GDF9: variants seen among roughly 807,000 people sequenced by gnomAD.
GDF9 encodes growth/differentiation factor 9.
Under a neutral mutation model 33.8 loss-of-function variants are expected in GDF9, and 30 were observed. That is an observed-to-expected ratio of 0.89 (90% CI 0.66 to 1.20). GDF9 has a LOEUF of 1.20. GDF9 is among the 50% of genes most tolerant of loss of function. The pLI, the probability that GDF9 is intolerant of heterozygous loss-of-function variation, is 0.00. For synonymous variants in GDF9, 205 were observed against 200.7 expected (o/e 1.02, Z -0.18); for missense variants, 556 against 543.7 (o/e 1.02, Z -0.22).
At position 132,864,204 on chromosome 5, in the gene GDF9, G is replaced by C. The variant is rs374035993; in HGVS notation, c.330C>G (p.Leu110=). The C allele has an allele frequency of 4.2e-5, 67 of 1,614,100 alleles. No homozygotes were observed. Among genetic ancestry groups the C allele is most frequent in the Non-Finnish European group, 5.4e-5 (64 of 1,180,046 alleles). ...EGIPKSNRSH[L]YNTVRLFTPC... ...GGGTGAAGAGCCGAACAGTGTTGTA[G>C]AGGTGACTTCTATTGGATTTAGGAA... The change falls in exon 1 of 2, where the codon CTC becomes CTG. Residue 110 remains leucine, a synonymous_variant. Coordinates refer to ENST00000687138, the MANE Select transcript of GDF9 (RefSeq NM_005260.7).
In GDF9 at chr5:132,864,831, AC is replaced by A. The variant is rs1759504844; in HGVS notation, c.-299del. On this transcript the variant is annotated 5_prime_UTR_variant, in exon 1 of 2. Transcript: ENST00000687138. ...CCGTTACTGTTACACTACCGGACTA[AC>A]TATGTAGCTGAAAGTCTAAGATAAA... 5.3e-6 allele frequency: 2 copies of A among 376,644 alleles called. No homozygotes were observed. Among genetic ancestry groups the A allele is most frequent in the African/African-American group, 4.1e-5 (2 of 48,944 alleles). 23.3% of individuals were successfully genotyped at this position (376,644 alleles called of 1,614,324 possible). A position where few individuals can be genotyped will look rare whatever the true frequency, so the allele number is the denominator to read the frequency against.
Position 132,864,381 on chromosome 5 carries a change from C to T in GDF9, c.153G>A (p.Gln51=). ...ESGAMPWSLL[Q]HIDERDRAGL... is the part of the protein sequence containing the mutation. ...CAGCTCTGTCTCTCTCATCTATATGCTGCAGCAAGGACCAAGGCATAGCCC... is the reference window on the plus strand; with the variant it reads ...CAGCTCTGTCTCTCTCATCTATATGTTGCAGCAAGGACCAAGGCATAGCCC... The change falls in exon 1 of 2, where the codon CAG becomes CAA. Residue 51 remains glutamine (Q), a synonymous_variant. Transcript: ENST00000687138. The T allele has an allele frequency of 1.2e-6, 2 of 1,614,028 alleles. No homozygotes were observed. The highest frequency in any genetic ancestry group is 1.7e-6 in the Non-Finnish European group (2 of 1,179,944).
Position 132,861,550 on chromosome 5 carries a change from C to T in GDF9, c.*39G>A. 6.3e-7 allele frequency: 1 copy of T among 1,593,350 alleles called. No individual in the cohort carries two copies. The highest frequency in any genetic ancestry group is 8.6e-7 in the Non-Finnish European group (1 of 1,161,410). On this transcript the variant is annotated 3_prime_UTR_variant, in exon 2 of 2. Coordinates refer to ENST00000687138, the MANE Select transcript of GDF9 (RefSeq NM_005260.7). ...GGCACACATAGGCACACAGTAGTTACTTTGCCAAATAGGCTCAAGGTTTTA... is the reference window on the plus strand; with the variant it reads ...GGCACACATAGGCACACAGTAGTTATTTTGCCAAATAGGCTCAAGGTTTTA...
rs184318860 is a variant in GDF9 at position 132,864,416 on chromosome 5, A to G, written c.118T>C (p.Leu40=). 1.2e-6 allele frequency: 2 copies of G among 1,613,868 alleles called. No homozygotes were observed. Among genetic ancestry groups the G allele is most frequent in the Non-Finnish European group, 8.5e-7 (1 of 1,179,896 alleles). Residue 40 remains leucine, a synonymous_variant, in exon 1 of 2, where the codon TTG becomes CTG. Transcript: ENST00000687138. The part of the protein sequence containing the change: ...GEAQIAASAE[L]ESGAMPWSLL... ...GACCAAGGCATAGCCCCAGATTCCAACTCAGCACTAGCAGCAATCTGAGCT... is the reference window on the plus strand; with the variant it reads ...GACCAAGGCATAGCCCCAGATTCCAGCTCAGCACTAGCAGCAATCTGAGCT...
Position 132,861,545 on chromosome 5 carries a change from A to G in GDF9, c.*44T>C. On this transcript the variant is annotated 3_prime_UTR_variant, in exon 2 of 2. Coordinates refer to ENST00000687138, the MANE Select transcript of GDF9 (RefSeq NM_005260.7). ...TTGAAGGCACACATAGGCACACAGT[A>G]GTTACTTTGCCAAATAGGCTCAAGG... 1.9e-6 allele frequency: 3 copies of G among 1,556,716 alleles called. No individual in the cohort carries two copies. Among genetic ancestry groups the G allele is most frequent in the Non-Finnish European group, 2.7e-6 (3 of 1,127,992 alleles).
Position 132,861,566 on chromosome 5 carries a change from C to T in GDF9, c.*23G>A. 1 of 1,610,154 alleles carries T rather than the reference C, an allele frequency of 6.2e-7. No individual in the cohort carries two copies. On this transcript the variant is annotated 3_prime_UTR_variant, in exon 2 of 2. Transcript: ENST00000687138. ...CAGTAGTTACTTTGCCAAATAGGCTCAAGGTTTTAAGAGGACCATTTGTTA... is the reference window on the plus strand; with the variant it reads ...CAGTAGTTACTTTGCCAAATAGGCTTAAGGTTTTAAGAGGACCATTTGTTA...
rs1434713835 is a variant in GDF9, at chr5:132,862,120, C to T, written c.834G>A (p.Trp278Ter). The T allele has an allele frequency of 1.2e-6, 2 of 1,613,178 alleles. No individual in the cohort carries two copies. Among genetic ancestry groups the T allele is most frequent in the African/African-American group, 1.3e-5 (1 of 74,914 alleles). ...GCCTCCTTTTATAGTGAAGGGAATA[C>T]CAGCTGTGATAAGCCTGAGCACTTG... ...NDTSAQAYHS[W>*]YSLHYKRRPS... The change falls in exon 2 of 2, where the codon TGG (tryptophan) becomes TGA (stop). Residue 278 changes from tryptophan (W) to a stop codon, truncating the protein, a stop_gained. Transcript: ENST00000687138. LOFTEE classifies it high-confidence loss of function.
chr5:132,861,591 A>G lies in GDF9; in HGVS notation c.1363T>C (p.Ter455GlnextTer8). 1.2e-6 allele frequency: 2 copies of G among 1,613,704 alleles called. No individual in the cohort carries two copies. The highest frequency in any genetic ancestry group is 1.7e-6 in the Non-Finnish European group (2 of 1,179,544). ...CAAGGTTTTAAGAGGACCATTTGTT[A>G]ACGACAGGTGCACTTTGTAGCTATC... ...DMIATKCTCR[*>Q] is the part of the protein sequence containing the mutation. The change falls in exon 2 of 2, where the codon TAA becomes CAA. Residue 455 changes from the stop codon to glutamine (Q), a stop_lost. Transcript: ENST00000687138.
At position 132,862,214 on chromosome 5, in the gene GDF9, G is replaced by T. The variant is rs754720328; in HGVS notation, c.740C>A (p.Pro247His). 1.2e-6 allele frequency: 2 copies of T among 1,613,830 alleles called. No homozygotes were observed. Among genetic ancestry groups the T allele is most frequent in the South Asian group, 2.2e-5 (2 of 91,084 alleles). ...FTCMKDQLEHPSAQNGLFNMT... is the reference protein window; with the variant it reads ...FTCMKDQLEHHSAQNGLFNMT... ...GTTAAACAAACCATTCTGTGCTGAA[G>T]GATGCTCCAGCTGGTCTTTCATGCA... is the stretch of plus-strand genomic sequence containing the variant. The change falls in exon 2 of 2, where the codon CCT becomes CAT. Residue 247 changes from proline to histidine, a missense_variant. By Grantham distance (77) the Pro-to-His change is moderately conservative (BLOSUM62 -2). Transcript: ENST00000687138.
rs1324434545 is a variant in GDF9 at position 132,862,189 on chromosome 5, G to C, written c.765C>G (p.Asn255Lys). Residue 255 changes from asparagine to lysine, a missense_variant, in exon 2 of 2, where the codon AAC becomes AAG. By Grantham distance (94) the Asn-to-Lys change is moderately conservative. Transcript: ENST00000687138. ...EHPSAQNGLF[N>K]MTLVSPSLIL... ...TCAGTGAGGGGGACACCAGAGTCAT[G>C]TTAAACAAACCATTCTGTGCTGAAG... 6.2e-7 allele frequency: 1 copy of C among 1,613,950 alleles called. No individual in the cohort carries two copies. Among genetic ancestry groups the C allele is most frequent in the East Asian group, 2.2e-5 (1 of 44,884 alleles).
intron 1 of GDF9, among the ~76,000 whole-genome samples, chr5:132,863,751 A>G (rs1161485380): frequency 6.6e-6 from 1 of 152,336 alleles, no homozygotes; most frequent in African/African-American, 2.4e-5. Flanking sequence ...CTTTTCTCTC[A>G]CAGAAAGTAA....
In GDF9 at chr5:132,864,546, C is replaced by T. The variant is rs1451547520; in HGVS notation, c.-13G>A. On this transcript the variant is annotated 5_prime_UTR_variant, in exon 1 of 2. The change abolishes the stop of an existing upstream ORF in the 5' untranslated region. Transcript: ENST00000687138. Reference sequence around the variant, plus strand: ...TGGGACGTGCCATGGCTTGGGAGAACTAGTGAGGAACATATTTCTCCATGC... The same window carrying T: ...TGGGACGTGCCATGGCTTGGGAGAATTAGTGAGGAACATATTTCTCCATGC... 3 of 1,602,314 alleles carry T rather than the reference C, an allele frequency of 1.9e-6. No homozygotes were observed. Among genetic ancestry groups the T allele is most frequent in the Non-Finnish European group, 2.5e-6 (3 of 1,179,716 alleles).
chr5:132,864,009 C>T (rs1407431811), intron 1 of GDF9, 128 bp downstream of exon 1: 3 of 1,001,774 alleles, frequency 3.0e-6, no homozygotes, highest in Non-Finnish European at 4.7e-6. Context: ...TTTGTTTCAA[C>T]TGGATATTGA....
chr5:132,865,879 C>T lies in GDF9; in HGVS notation c.-1346G>A, dbSNP rs146085181. Among the ~76,000 whole-genome samples, 214 of 152,318 alleles carry T rather than the reference C, an allele frequency of 1.4e-3. No individual in the cohort carries two copies. The highest frequency in any genetic ancestry group is 4.9e-3 in the African/African-American group (202 of 41,552). On this transcript the variant is annotated 5_prime_UTR_variant, in exon 1 of 2. It removes the in-frame stop codon of an upstream open reading frame in the 5' UTR. Coordinates refer to ENST00000687138, the MANE Select transcript of GDF9 (RefSeq NM_005260.7). The stretch of plus-strand genomic sequence containing the variant: ...CTCTCACCCGACTTTCCTTGCTTCT[C>T]ACGTGGGGAGAAGAAAGAACTGGGG...
At position 132,862,516 on chromosome 5, in the gene GDF9, G is replaced by A. The variant is rs763939436; in HGVS notation, c.438C>T (p.Arg146=). ...PSVELLFNLD[R]ITTVEHLLKS... ...TGAGTAAGTGTTCAACGGTAGTAAT[G>A]CGATCCAGGTTAAATAGCAGTTCCA... The change falls in exon 2 of 2, where the codon CGC becomes CGT. Residue 146 remains arginine (R), a synonymous_variant. Transcript: ENST00000687138. The A allele has an allele frequency of 6.2e-7, 1 of 1,609,796 alleles. No homozygotes were observed.
chr5:132,864,238 T>C lies in GDF9; in HGVS notation c.296A>G (p.Lys99Arg). Residue 99 changes from lysine (K) to arginine (R), a missense_variant, in exon 1 of 2, where the codon AAG (lysine) becomes AGG (arginine). Lys to Arg is a conservative substitution (Grantham distance 26). Coordinates refer to ENST00000687138, the MANE Select transcript of GDF9 (RefSeq NM_005260.7). The part of the protein sequence containing the change: ...MKKLYKTYAT[K>R]EGIPKSNRSH... The stretch of plus-strand genomic sequence containing the variant: ...TCTATTGGATTTAGGAATCCCTTCC[T>C]TGGTAGCATATGTCTTATAGAGCTT... 1 of 1,614,238 alleles carries C rather than the reference T, an allele frequency of 6.2e-7. No homozygotes were observed. Among genetic ancestry groups the C allele is most frequent in the Non-Finnish European group, 8.5e-7 (1 of 1,180,030 alleles).
rs1423022538 is a variant in GDF9, at chr5:132,865,847, A to G, written c.-1314T>C. 2.6e-5 allele frequency among the ~76,000 whole-genome samples: 4 copies of G among 152,114 alleles called. No individual in the cohort carries two copies. Among genetic ancestry groups the G allele is most frequent in the African/African-American group, 4.8e-5 (2 of 41,430 alleles). ...CAGAATGCACTTCAGGGAAAACATAATAAGGCCTCTCACCCGACTTTCCTT... is the reference window on the plus strand; with the variant it reads ...CAGAATGCACTTCAGGGAAAACATAGTAAGGCCTCTCACCCGACTTTCCTT... On this transcript the variant is annotated 5_prime_UTR_variant, in exon 1 of 2. Transcript: ENST00000687138.
Position 132,861,896 on chromosome 5 carries a change from C to T in GDF9, c.1058G>A (p.Cys353Tyr), listed in dbSNP as rs1759264828. 6.2e-7 allele frequency: 1 copy of T among 1,613,790 alleles called. No individual in the cohort carries two copies. Among genetic ancestry groups the T allele is most frequent in the Non-Finnish European group, 8.5e-7 (1 of 1,179,656 alleles). Residue 353 changes from cysteine to tyrosine, a missense_variant, in exon 2 of 2, where the codon TGT becomes TAT. By Grantham distance (194) the Cys-to-Tyr change is radical (BLOSUM62 -2). Coordinates refer to ENST00000687138, the MANE Select transcript of GDF9 (RefSeq NM_005260.7). ...GCTAAGTCTAAAGTCATGGAGCTCA[C>T]ACTCATTTTGGGGAAGAAGAAATTG... ...FRQFLLPQNE[C>Y]ELHDFRLSFS...
At position 132,864,252 on chromosome 5, in the gene GDF9, C is replaced by G. The variant is rs1459696637; in HGVS notation, c.282G>C (p.Lys94Asn). ...GAATCCCTTCCTTGGTAGCATATGT[C>G]TTATAGAGCTTCTTCATGTAGTGCA... ...RALHYMKKLY[K>N]TYATKEGIPK... is the part of the protein sequence containing the mutation. Residue 94 changes from lysine to asparagine, a missense_variant, in exon 1 of 2, where the codon AAG becomes AAC. By Grantham distance (94) the Lys-to-Asn change is moderately conservative. Coordinates refer to ENST00000687138, the MANE Select transcript of GDF9 (RefSeq NM_005260.7). 2.5e-6 allele frequency: 4 copies of G among 1,614,204 alleles called. No individual in the cohort carries two copies. The highest frequency in any genetic ancestry group is 3.4e-6 in the Non-Finnish European group (4 of 1,180,034).
Sources: allele counts gnomAD v4.1 joint callset (sites outside exome capture counted in the v4.1 genomes callset), GRCh38; gene constraint gnomAD v4.1.1; transcripts MANE v1.5; gene names NCBI Gene and HGNC (gene_info 2026-07-23, HGNC 2026-07-21).